The following APOO variants were observed in gnomAD, a reference collection of about 807,000 sequenced individuals.
APOO encodes apolipoprotein O.
APOO carries 11 observed loss-of-function variants against 23.1 expected under a neutral mutation model. The observed-to-expected ratio is 0.48, with a 90% CI of 0.30 to 0.79. The LOEUF is 0.79. Among genes scored for constraint, APOO ranks in the 30% least tolerant of loss-of-function variants. APOO has a pLI of 0.07. For synonymous variants in APOO, 59 were observed against 54.8 expected, an observed-to-expected ratio of 1.08 and a Z score of -0.34; for missense variants, 160 against 142.7, an observed-to-expected ratio of 1.12 and a Z score of -0.62.
At chrX:23,874,754 A>T (rs956445913) in intron 3 of APOO, among the ~76,000 whole-genome samples, 1 of 111,702 alleles carries the variant, frequency 9.0e-6, no homozygotes, top group Admixed American at 9.6e-5. Context: ...AAATAGACTA[A>T]AAATCAATCC....
intron 6 of APOO, 33 bp from the exon 7 acceptor site, chrX:23,856,415 G>C: frequency 9.3e-7 from 1 of 1,076,371 alleles, no homozygotes; most frequent in South Asian, 1.9e-5. Flanking sequence ...CTTACCATCT[G>C]ACCCAGCAAT....
At chrX:23,893,104 G>A (rs933382925) in intron 1 of APOO, among the ~76,000 whole-genome samples, 3 of 109,822 alleles carry the variant, frequency 2.7e-5, no homozygotes, top group Admixed American at 9.8e-5. Flanking sequence ...CCTCAGTAAC[G>A]TGTTGTAAAT....
At chrX:23,896,804 ATT>A (rs60669314) in intron 1 of APOO, among the ~76,000 whole-genome samples, 163 of 84,704 alleles carry the variant, frequency 1.9e-3, no homozygotes, top group Middle Eastern at 6.0e-3. Context: ...ACACTCAGCT[ATT>A]TTTTTTTTTT....
intron 7 of APOO, among the ~76,000 whole-genome samples, chrX:23,842,706 C>A (rs1924040882): frequency 9.0e-6 from 1 of 111,367 alleles, no homozygotes; most frequent in African/African-American, 3.3e-5. Context: ...TCGGGTCTGG[C>A]ATAAAAACAA....
At chrX:23,864,459 C>T (rs1017398880) in intron 5 of APOO, among the ~76,000 whole-genome samples, 2 of 110,299 alleles carry the variant, frequency 1.8e-5, no homozygotes, top group African/African-American at 3.3e-5. Context: ...CCCGCCACCA[C>T]GCCTGGCTAA....
chrX:23,866,067 C>T (rs745649826), intron 5 of APOO, among the ~76,000 whole-genome samples: 1 of 110,732 alleles, frequency 9.0e-6, no homozygotes, highest in South Asian at 3.8e-4. Flanking sequence ...GCTCTCGGCA[C>T]TGTAGGAACG....
At chrX:23,835,203 A>T (rs971135431) in intron 8 of APOO, among the ~76,000 whole-genome samples, 3 of 107,832 alleles carry the variant, frequency 2.8e-5, no homozygotes, top group African/African-American at 1.0e-4. Context: ...CTGGGATTAC[A>T]GGCAGGCGCC....
chrX:23,877,736 T>C (rs1464967061), intron 3 of APOO, among the ~76,000 whole-genome samples: 7 of 105,079 alleles, frequency 6.7e-5, no homozygotes, highest in Non-Finnish European at 1.4e-4. Flanking sequence ...AGCACGCTAC[T>C]GCACTCCAGC....
At chrX:23,898,864 A>G (rs1191626950) in intron 1 of APOO, among the ~76,000 whole-genome samples, 2 of 112,618 alleles carry the variant, frequency 1.8e-5, no homozygotes, top group Non-Finnish European at 3.7e-5. Context: ...CAGCAAGCAC[A>G]AACAAAAACA....
At chrX:23,838,945 C>A (rs915054326) in intron 8 of APOO, among the ~76,000 whole-genome samples, 1 of 111,374 alleles carries the variant, frequency 9.0e-6, no homozygotes, top group African/African-American at 3.3e-5. Flanking sequence ...TGTCCCTGTA[C>A]AGAAATATAT....
intron 7 of APOO, among the ~76,000 whole-genome samples, chrX:23,845,776 C>T (rs776034116): frequency 3.6e-4 from 40 of 112,114 alleles, no homozygotes; most frequent in African/African-American, 1.2e-3. Context: ...TCCTGCTGAG[C>T]CAGCAAGGGC....
At chrX:23,863,519 C>A (rs956026843) in intron 5 of APOO, among the ~76,000 whole-genome samples, 4 of 111,816 alleles carry the variant, frequency 3.6e-5, no homozygotes, top group African/African-American at 1.3e-4. Context: ...GAATACATGG[C>A]TTTGAAAGTT....
chrX:23,881,247 G>C (rs1926109134), intron 1 of APOO, among the ~76,000 whole-genome samples: 1 of 109,275 alleles, frequency 9.2e-6, no homozygotes, highest in Non-Finnish European at 1.9e-5. Flanking sequence ...GCTAATTTTT[G>C]TATTTTTAGT....
intron 8 of APOO, among the ~76,000 whole-genome samples, chrX:23,835,155 G>A (rs1023999189): frequency 8.5e-5 from 9 of 105,814 alleles, no homozygotes; most frequent in Non-Finnish European, 1.2e-4. Flanking sequence ...TCCATCTCCC[G>A]GGTTCAAGCA....
At chrX:23,860,455 GA>G (rs1182278980) in intron 5 of APOO, among the ~76,000 whole-genome samples, 1 of 109,846 alleles carries the variant, frequency 9.1e-6, no homozygotes, top group Non-Finnish European at 1.9e-5. Flanking sequence ...GAGGCATAAG[GA>G]TTGCTTGAGG....
chrX:23,835,844 G>A (rs1311117472), intron 8 of APOO, among the ~76,000 whole-genome samples: 2 of 111,986 alleles, frequency 1.8e-5, no homozygotes, highest in Non-Finnish European at 3.8e-5. Context: ...GGATACATTC[G>A]GCCACAGCCA....
intron 7 of APOO, among the ~76,000 whole-genome samples, chrX:23,846,243 G>A (rs1248826518): frequency 1.9e-5 from 2 of 106,427 alleles, no homozygotes; most frequent in Non-Finnish European, 3.9e-5. Context: ...CCCAGAAGGC[G>A]GAGGTTGTAA....
At chrX:23,895,808 C>G (rs1427868599) in intron 1 of APOO, among the ~76,000 whole-genome samples, 4 of 99,059 alleles carry the variant, frequency 4.0e-5, no homozygotes, top group Non-Finnish European at 8.1e-5. Context: ...TAAACTTGGT[C>G]AATAATAAGA....
chrX:23,896,802 C>T (rs1926921950), intron 1 of APOO, among the ~76,000 whole-genome samples: 1 of 61,143 alleles, frequency 1.6e-5, no homozygotes, highest in South Asian at 9.6e-4. Context: ...GCACACTCAG[C>T]TATTTTTTTT....
Sources: gnomAD v4.1 joint callset for allele counts (sites outside exome capture counted in the v4.1 genomes callset) on GRCh38, gnomAD v4.1.1 for gene constraint, MANE v1.5 for transcripts, NCBI Gene and HGNC (gene_info 2026-07-23, HGNC 2026-07-21) for gene names.